The following KIAA0825 variants were observed in gnomAD, a reference collection of about 807,000 sequenced individuals.
The protein encoded by KIAA0825 is uncharacterized protein KIAA0825.
In KIAA0825, 119 loss-of-function variants were observed where a neutral mutation model predicts 147.6. That is an observed-to-expected ratio of 0.81 (90% CI 0.69 to 0.94). The LOEUF (loss-of-function observed/expected upper bound fraction) is 0.94, where lower values mean the gene tolerates loss of function less well. KIAA0825 is among the 40% of genes least tolerant of loss of function. KIAA0825 has a pLI of 0.00. For synonymous variants in KIAA0825, 470 were observed against 518.1 expected (o/e 0.91, Z 1.26); for missense variants, 1,381 against 1,472.7 (o/e 0.94, Z 1.02).
chr5:94,190,103 A>G (rs367861322), intron 20 of KIAA0825, among the ~76,000 whole-genome samples: 2 of 152,204 alleles, frequency 1.3e-5, no homozygotes, highest in East Asian at 1.9e-4. Flanking sequence ...ACATATAGAA[A>G]TACCAGTTTT....
intron 20 of KIAA0825, among the ~76,000 whole-genome samples, chr5:94,171,539 G>A (rs1768614191): frequency 6.6e-6 from 1 of 152,100 alleles, no homozygotes; most frequent in African/African-American, 2.4e-5. Context: ...CTTAGTGCCT[G>A]GAACATTGTT....
chr5:94,293,277 T>A (rs566416173), intron 20 of KIAA0825, among the ~76,000 whole-genome samples: 1 of 152,356 alleles, frequency 6.6e-6, no homozygotes, highest in East Asian at 1.9e-4. Flanking sequence ...TAAACACTGC[T>A]TTAGCTGTGT....
intron 20 of KIAA0825, among the ~76,000 whole-genome samples, chr5:94,162,533 T>C (rs747302956): frequency 6.6e-6 from 1 of 152,078 alleles, no homozygotes; most frequent in African/African-American, 2.4e-5. Context: ...CCTCAAGCAA[T>C]CCTCCTGCCT....
intron 2 of KIAA0825, among the ~76,000 whole-genome samples, chr5:94,563,770 C>T (rs1203931384): frequency 6.6e-6 from 1 of 152,080 alleles, no homozygotes; most frequent in Non-Finnish European, 1.5e-5. Context: ...CTGCAACCTC[C>T]ACCTCCCGAG....
chr5:94,301,697 T>A (rs1045062097), intron 20 of KIAA0825, among the ~76,000 whole-genome samples: 1 of 152,238 alleles, frequency 6.6e-6, no homozygotes, highest in South Asian at 2.1e-4. Flanking sequence ...AGAAGAGGCA[T>A]GTGTGTGGGT....
chr5:94,295,412 C>A (rs1778092437), intron 20 of KIAA0825, among the ~76,000 whole-genome samples: 1 of 152,018 alleles, frequency 6.6e-6, no homozygotes, highest in Non-Finnish European at 1.5e-5. Context: ...CCTTCTGAAG[C>A]CTTCTTCTGT....
Position 94,471,685 on chromosome 5 carries a change from G to A in KIAA0825, c.1502C>T (p.Ala501Val). Residue 501 changes from alanine (A) to valine (V), a missense_variant, in exon 9 of 21, where the codon GCT becomes GTT. Transcript: ENST00000682413. Reference protein sequence around the residue: ...MEKLDTMLPLALACRDDSFQE... With the variant: ...MEKLDTMLPLVLACRDDSFQE... The stretch of plus-strand genomic sequence containing the variant: ...AAAAGAATCATCTCTGCATGCCAGA[G>A]CCAGTGGAAGCATTGTGTCAAGTTT... 6.4e-7 allele frequency: 1 copy of A among 1,552,334 alleles called. No individual in the cohort carries two copies. Among genetic ancestry groups the A allele is most frequent in the South Asian group, 1.2e-5 (1 of 84,062 alleles).
chr5:94,614,908 G>C (rs1353409265), intron 1 of KIAA0825, among the ~76,000 whole-genome samples: 1 of 152,084 alleles, frequency 6.6e-6, no homozygotes, highest in Non-Finnish European at 1.5e-5. Flanking sequence ...GCAAGAAAAA[G>C]AATCAATATT....
At chr5:94,342,101 C>A (rs1390461145) in intron 20 of KIAA0825, among the ~76,000 whole-genome samples, 1 of 151,818 alleles carries the variant, frequency 6.6e-6, no homozygotes, top group East Asian at 1.9e-4. Flanking sequence ...GAGGCTGAGG[C>A]AGGAGAATGG....
intron 20 of KIAA0825, among the ~76,000 whole-genome samples, chr5:94,265,373 T>C (rs548189679): frequency 6.6e-6 from 1 of 152,292 alleles, no homozygotes; most frequent in Non-Finnish European, 1.5e-5. Flanking sequence ...TACTAAAATG[T>C]TTGCCTTTTT....
At chr5:94,384,484 C>T (rs1584331012) in intron 19 of KIAA0825, 26 bp from the exon 20 acceptor site, 1 of 1,515,068 alleles carries the variant, frequency 6.6e-7, no homozygotes, top group East Asian at 2.5e-5. Flanking sequence ...TGAGAAGACA[C>T]TATTGTTAGT....
intron 20 of KIAA0825, among the ~76,000 whole-genome samples, chr5:94,303,700 A>G (rs1778544171): frequency 6.6e-6 from 1 of 152,110 alleles, no homozygotes; most frequent in African/African-American, 2.4e-5. Context: ...TTTCCACTAA[A>G]TTTCACAATT....
At chr5:94,182,861 A>G (rs1253785812) in intron 20 of KIAA0825, among the ~76,000 whole-genome samples, 3 of 152,136 alleles carry the variant, frequency 2.0e-5, no homozygotes, top group Admixed American at 2.0e-4. Flanking sequence ...GATTCTGCTC[A>G]GCAAATATTT....
chr5:94,204,837 A>G (rs189933870), intron 20 of KIAA0825, among the ~76,000 whole-genome samples: 25 of 152,344 alleles, frequency 1.6e-4, no homozygotes, highest in Non-Finnish European at 7.4e-5. Context: ...TCTGGTGAAC[A>G]TCTTTCCAGA....
At chr5:94,182,002 C>T (rs1462381309) in intron 20 of KIAA0825, among the ~76,000 whole-genome samples, 3 of 152,096 alleles carry the variant, frequency 2.0e-5, no homozygotes, top group Non-Finnish European at 4.4e-5. Context: ...TCATTAGTGA[C>T]TTACTACTGC....
intron 1 of KIAA0825, among the ~76,000 whole-genome samples, chr5:94,589,945 G>A (rs760798343): frequency 2.6e-5 from 4 of 151,824 alleles, no homozygotes; most frequent in Non-Finnish European, 5.9e-5. Flanking sequence ...TCTCGGTTAG[G>A]TTAGATTTTC....
intron 20 of KIAA0825, among the ~76,000 whole-genome samples, chr5:94,164,579 T>C (rs1038389600): frequency 6.6e-6 from 1 of 152,044 alleles, no homozygotes; most frequent in Non-Finnish European, 1.5e-5. Flanking sequence ...GTCCGGCTAA[T>C]TTTTTGTATT....
At chr5:94,484,996 T>G (rs1271511967) in intron 5 of KIAA0825, 66 bp from the exon 6 acceptor site, 2 of 1,110,782 alleles carry the variant, frequency 1.8e-6, no homozygotes, top group Non-Finnish European at 2.4e-6. Context: ...ATTAGAATGA[T>G]CTGTGTGATT....
intron 20 of KIAA0825, among the ~76,000 whole-genome samples, chr5:94,347,630 T>C (rs1245844737): frequency 6.6e-6 from 1 of 152,220 alleles, no homozygotes; most frequent in East Asian, 1.9e-4. Flanking sequence ...GAATACCCTG[T>C]GGGACCAAAG....
Sources: gnomAD v4.1 joint callset for allele counts (sites outside exome capture counted in the v4.1 genomes callset) on GRCh38, gnomAD v4.1.1 for gene constraint, MANE v1.5 for transcripts, NCBI Gene and HGNC (gene_info 2026-07-23, HGNC 2026-07-21) for gene names.